MEIKIN: variants seen among roughly 807,000 people sequenced by gnomAD.
MEIKIN encodes meiotic kinetochore factor.
chr5:131,887,357 G>T (rs978902116), intron 8 of MEIKIN, among the ~76,000 whole-genome samples: 1 of 152,200 alleles, frequency 6.6e-6, no homozygotes, highest in African/African-American at 2.4e-5. Flanking sequence ...TATATACCCA[G>T]TAAGGGGACC....
At chr5:131,874,569 A>C (rs185828552) in intron 9 of MEIKIN, among the ~76,000 whole-genome samples, 1 of 152,356 alleles carries the variant, frequency 6.6e-6, no homozygotes, top group Admixed American at 6.5e-5. Flanking sequence ...CAGAGGTACA[A>C]GGAGGAGCTG....
At chr5:131,808,310 A>T (rs866629755) in intron 12 of MEIKIN, among the ~76,000 whole-genome samples, 1 of 152,102 alleles carries the variant, frequency 6.6e-6, no homozygotes, top group African/African-American at 2.4e-5. Context: ...CCACCCAACT[A>T]TCTTATCTCA....
rs1446409981 is a variant in MEIKIN at position 131,819,429 on chromosome 5, A to G, written c.976-566T>C. 1.3e-4 allele frequency among the ~76,000 whole-genome samples: 6 copies of G among 47,512 alleles called. No homozygotes were observed. The Admixed American group carries it at 1.4e-3, about 11-fold the overall frequency. 31.2% of individuals were successfully genotyped at this position (47,512 alleles called of 152,430 possible). A position where few individuals can be genotyped will look rare whatever the true frequency, so the allele number is the denominator to read the frequency against. On this transcript the variant is annotated intron_variant, in intron 11 of 12. Coordinates refer to ENST00000442687, the MANE Select transcript of MEIKIN (RefSeq NM_001303622.2). ...GAGGAAGAGGCAGAGGGGGAGGGAG[A>G]GGGGGAGGGAGAGGAGGAGGGACAG...
At chr5:131,860,122 A>C (rs1194693652) in intron 9 of MEIKIN, among the ~76,000 whole-genome samples, 1 of 152,150 alleles carries the variant, frequency 6.6e-6, no homozygotes, top group Admixed American at 6.5e-5. Flanking sequence ...GATTGCACTG[A>C]ATCTATAGAT....
In MEIKIN at chr5:131,945,658, A is replaced by G. The variant is rs1751953573; in HGVS notation, c.-153T>C. 1 of 394,096 alleles carries G rather than the reference A, an allele frequency of 2.5e-6. No individual in the cohort carries two copies. Among genetic ancestry groups the G allele is most frequent in the African/African-American group, 2.1e-5 (1 of 48,490 alleles). The allele number at this position is 394,096 out of a possible 1,614,324, so 24.4% of individuals were successfully genotyped here. A position where few individuals can be genotyped will look rare whatever the true frequency, so the allele number is the denominator to read the frequency against. ...CTAATCGAGCGAAAGCAAAAGCCCC[A>G]GAACTGGAGCCGCCGGGCCTCGCTC... On this transcript the variant is annotated 5_prime_UTR_variant, in exon 1 of 13. Transcript: ENST00000442687.
chr5:131,826,086 C>CTTTTTTTT (rs35951729), intron 11 of MEIKIN, among the ~76,000 whole-genome samples: 15 of 124,936 alleles, frequency 1.2e-4, no homozygotes, highest in East Asian at 4.5e-4. Flanking sequence ...TTCTTGTTTT[C>CTTTTTTTT]TTTTTTTTTT....
At chr5:131,853,001 A>T (rs902973268) in intron 10 of MEIKIN, among the ~76,000 whole-genome samples, 13 of 152,160 alleles carry the variant, frequency 8.5e-5, no homozygotes, top group African/African-American at 3.1e-4. Context: ...CACTGGAAAG[A>T]CTGTGAGCAG....
intron 8 of MEIKIN, among the ~76,000 whole-genome samples, chr5:131,891,046 C>A (rs1360614832): frequency 1.3e-5 from 2 of 152,172 alleles, no homozygotes; most frequent in African/African-American, 4.8e-5. Flanking sequence ...TTTCTTAACC[C>A]TGAGTTCTAG....
intron 11 of MEIKIN, among the ~76,000 whole-genome samples, chr5:131,836,447 T>C (rs1749808988): frequency 6.6e-6 from 1 of 152,186 alleles, no homozygotes. Flanking sequence ...GGTAGTTCTG[T>C]TTTTAGCTGT....
chr5:131,905,707 T>C (rs1751232617), intron 8 of MEIKIN, among the ~76,000 whole-genome samples: 1 of 151,758 alleles, frequency 6.6e-6, no homozygotes, highest in East Asian at 1.9e-4. Flanking sequence ...CACAGACCAA[T>C]AGAGAAACAA....
At chr5:131,882,167 G>C (rs1750711490) in intron 8 of MEIKIN, among the ~76,000 whole-genome samples, 1 of 152,062 alleles carries the variant, frequency 6.6e-6, no homozygotes. Flanking sequence ...CTACCATCAT[G>C]GTTTAAAACA....
intron 9 of MEIKIN, among the ~76,000 whole-genome samples, chr5:131,857,632 G>A (rs1002692398): frequency 3.3e-5 from 5 of 152,120 alleles, no homozygotes; most frequent in Non-Finnish European, 5.9e-5. Flanking sequence ...ATGCCTCACC[G>A]TCAGAGAGCT....
chr5:131,936,230 C>A (rs1508849), intron 4 of MEIKIN, among the ~76,000 whole-genome samples: 14,039 of 152,200 alleles, frequency 0.092, 1,492 homozygotes, highest in African/African-American at 0.26. Context: ...AATTAAAAAA[C>A]ATATTTTTAT....
At chr5:131,870,895 C>G (rs983756018) in intron 9 of MEIKIN, among the ~76,000 whole-genome samples, 3 of 152,140 alleles carry the variant, frequency 2.0e-5, no homozygotes, top group Admixed American at 6.5e-5. Flanking sequence ...CTTACAGTGA[C>G]AATCTAGTGT....
chr5:131,844,875 G>A (rs1749982449), intron 11 of MEIKIN, among the ~76,000 whole-genome samples: 1 of 152,052 alleles, frequency 6.6e-6, no homozygotes, highest in African/African-American at 2.4e-5. Context: ...AGAAAAATAT[G>A]CAAACCTCAG....
At chr5:131,894,668 A>T (rs1751002372) in intron 8 of MEIKIN, among the ~76,000 whole-genome samples, 1 of 152,110 alleles carries the variant, frequency 6.6e-6, no homozygotes, top group Non-Finnish European at 1.5e-5. Context: ...GCAATTGTGA[A>T]TGGGAGTTCA....
In MEIKIN at chr5:131,897,518, T is replaced by C. The variant is rs548293131; in HGVS notation, c.703+14297A>G. On this transcript the variant is annotated intron_variant, in intron 8 of 12. Coordinates refer to ENST00000442687, the MANE Select transcript of MEIKIN (RefSeq NM_001303622.2). ...TTCCATTCTCCCCATCACTTTCAGG[T>C]ACACCAGTCAAACGTAGATTTGGTC... 2.0e-5 allele frequency among the ~76,000 whole-genome samples: 3 copies of C among 152,354 alleles called. No homozygotes were observed. In the East Asian group the frequency reaches 5.8e-4, roughly 29 times the overall value.
intron 11 of MEIKIN, among the ~76,000 whole-genome samples, chr5:131,824,244 G>A (rs1330660471): frequency 6.6e-6 from 1 of 152,118 alleles, no homozygotes; most frequent in Non-Finnish European, 1.5e-5. Flanking sequence ...GCCAGGCGTG[G>A]TGGCTCACAC....
intron 8 of MEIKIN, among the ~76,000 whole-genome samples, chr5:131,883,943 G>A (rs1350425126): frequency 6.6e-6 from 1 of 152,198 alleles, no homozygotes; most frequent in Non-Finnish European, 1.5e-5. Context: ...AACTCAGCTG[G>A]TGCCCACCCA....
Sources: gnomAD v4.1 joint callset for allele counts (sites outside exome capture counted in the v4.1 genomes callset) on GRCh38, gnomAD v4.1.1 for gene constraint, MANE v1.5 for transcripts, NCBI Gene and HGNC (gene_info 2026-07-23, HGNC 2026-07-21) for gene names.